Variants in DIXDC1 observed in about 807,000 individuals in gnomAD.
The protein encoded by DIXDC1 is dixin.
DIXDC1 carries 64 observed loss-of-function variants against 103.1 expected under a neutral mutation model. The observed-to-expected ratio is 0.62, with a 90% CI of 0.51 to 0.76. The LOEUF is 0.76. Ranked by LOEUF, DIXDC1 falls within the 30% of genes least tolerant of loss-of-function variation. The pLI is 0.00. For synonymous variants in DIXDC1, 266 were observed against 298.5 expected (o/e 0.89, Z 1.12); for missense variants, 759 against 834.2 (o/e 0.91, Z 1.11).
Position 111,974,915 on chromosome 11 carries a change from G to C in DIXDC1, c.588G>C (p.Trp196Cys), listed in dbSNP as rs1860048666. 1 of 1,613,688 alleles carries C rather than the reference G, an allele frequency of 6.2e-7. No individual in the cohort carries two copies. The change falls in exon 5 of 20, where the codon TGG becomes TGC. Residue 196 changes from tryptophan to cysteine, a missense_variant. Around this residue, in one of 3 missense-constraint regions of DIXDC1, gnomAD observed 657 missense variants for 727.5 expected, o/e 0.90. Transcript: ENST00000440460. ...ATGAGGAAATTGAGAATCCATACTG[G>C]AGTGTGCGGGCCCTAGTGCAGCAGT... ...SMDEEIENPY[W>C]SVRALVQQYE...
chr11:111,933,854 ACTT>A (rs1338632144), upstream of DIXDC1, among the ~76,000 whole-genome samples: 10 of 152,062 alleles, frequency 6.6e-5, no homozygotes, highest in African/African-American at 2.4e-4. Context: ...TGAATTTCAC[ACTT>A]CTTATTTTTA....
intron 7 of DIXDC1, among the ~76,000 whole-genome samples, chr11:111,984,718 T>C (rs1860433311): frequency 6.6e-6 from 1 of 152,204 alleles, no homozygotes. Context: ...GACATCTCTC[T>C]GCAAATGTGT....
chr11:112,010,169 A>C (rs1015216918), intron 17 of DIXDC1, among the ~76,000 whole-genome samples: 5 of 152,220 alleles, frequency 3.3e-5, no homozygotes, highest in African/African-American at 1.2e-4. Flanking sequence ...AATAACAGAC[A>C]AACAGCCAAA....
intron 10 of DIXDC1, among the ~76,000 whole-genome samples, chr11:111,990,431 A>G (rs1860667752): frequency 6.6e-6 from 1 of 152,186 alleles, no homozygotes. Context: ...ATTTGTGTCT[A>G]CATCGCTTTC....
At chr11:111,932,733 CCACT>C (rs1966070743), upstream of DIXDC1, among the ~76,000 whole-genome samples, 3 of 152,204 alleles carry the variant, frequency 2.0e-5, no homozygotes, top group East Asian at 1.9e-4. Context: ...CTTCTTCTGC[CCACT>C]CAGTCTGTCA....
chr11:112,006,293 T>G (rs1036422705), intron 17 of DIXDC1, among the ~76,000 whole-genome samples: 10 of 151,252 alleles, frequency 6.6e-5, no homozygotes, highest in Admixed American at 6.6e-5. Context: ...AAGCTCAAAC[T>G]GGGCGGAGCC....
intron 3 of DIXDC1, 52 bp downstream of exon 3, chr11:111,968,690 G>A: frequency 1.3e-6 from 2 of 1,515,642 alleles, no homozygotes; most frequent in Non-Finnish European, 8.9e-7. Context: ...ACCAGTGAGT[G>A]CTAGCCTCAG....
Position 112,015,694 on chromosome 11 carries a change from C to T in DIXDC1, c.1757-997C>T, listed in dbSNP as rs1006763936. Among the ~76,000 whole-genome samples the T allele has an allele frequency of 1.0e-4, 15 of 149,490 alleles. No homozygotes were observed. In the South Asian group the frequency reaches 1.3e-3, roughly 13 times the overall value. On this transcript the variant is annotated intron_variant, in intron 17 of 19. Transcript: ENST00000440460. ...GCACACACCTGTTATCCCAGCTACT[C>T]GGGAGGCTGAGGCACGAGAATGACT...
chr11:111,974,739 C>T, intron 4 of DIXDC1, 137 bp from the exon 5 acceptor site: 1 of 1,448,360 alleles, frequency 6.9e-7, no homozygotes, highest in Non-Finnish European at 9.2e-7. Flanking sequence ...TGCTAGGTAC[C>T]AAGTGTCTTT....
chr11:112,005,002 C>A (rs1555176443), intron 17 of DIXDC1, among the ~76,000 whole-genome samples: 1 of 152,114 alleles, frequency 6.6e-6, no homozygotes, highest in Admixed American at 6.5e-5. Context: ...AAAAACGAAG[C>A]CACTGTGAAG....
chr11:111,944,717 C>G (rs1966536987), intron 1 of DIXDC1, among the ~76,000 whole-genome samples: 1 of 152,338 alleles, frequency 6.6e-6, no homozygotes, highest in South Asian at 2.1e-4. Flanking sequence ...GGTACTATCA[C>G]TGCTCTCACA....
At chr11:112,018,696 T>A (rs1861670373) in intron 19 of DIXDC1, among the ~76,000 whole-genome samples, 1 of 152,222 alleles carries the variant, frequency 6.6e-6, no homozygotes, top group Non-Finnish European at 1.5e-5. Flanking sequence ...CCCAAAGTAC[T>A]TTGTGATTGG....
At chr11:111,978,155 G>C (rs1439823226) in intron 5 of DIXDC1, among the ~76,000 whole-genome samples, 1 of 152,142 alleles carries the variant, frequency 6.6e-6, no homozygotes, top group African/African-American at 2.4e-5. Flanking sequence ...AGAGCTATTA[G>C]ACCTGTGGGA....
At chr11:111,957,681 T>G (rs1251415974) in intron 1 of DIXDC1, among the ~76,000 whole-genome samples, 3 of 152,144 alleles carry the variant, frequency 2.0e-5, no homozygotes, top group Non-Finnish European at 4.4e-5. Flanking sequence ...ATTGTCAAGG[T>G]CATGAAAGAC....
upstream of DIXDC1, among the ~76,000 whole-genome samples, chr11:111,936,991 G>GTGTGTGTA (rs782679437): frequency 1.5e-4 from 22 of 151,190 alleles, no homozygotes; most frequent in East Asian, 3.9e-4. Flanking sequence ...GTCAACGTGT[G>GTGTGTGTA]TGTGTGTATG....
intron 1 of DIXDC1, among the ~76,000 whole-genome samples, chr11:111,956,673 A>G (rs1859381202): frequency 6.6e-6 from 1 of 152,066 alleles, no homozygotes; most frequent in Non-Finnish European, 1.5e-5. Context: ...TATTTTTAGT[A>G]GAGACGAGGT....
intron 1 of DIXDC1, among the ~76,000 whole-genome samples, chr11:111,948,793 T>G (rs1555169602): frequency 6.6e-6 from 1 of 151,916 alleles, no homozygotes; most frequent in African/African-American, 2.4e-5. Context: ...TTTGAACTCC[T>G]TCAGCTTCCC....
At position 111,993,551 on chromosome 11, in the gene DIXDC1, A is replaced by G. The variant is rs113399640; in HGVS notation, c.1328A>G (p.Glu443Gly). The change falls in exon 13 of 20, where the codon GAA (glutamate) becomes GGA (glycine). Residue 443 changes from glutamate to glycine, a missense_variant. By Grantham distance (98) the Glu-to-Gly change is moderately conservative. This residue lies in a region of DIXDC1 where 657 missense variants were observed against 727.5 expected (regional missense o/e 0.90). Transcript: ENST00000440460. Reference sequence around the variant, plus strand: ...CAGCAGCACCAGGCCAAGTTAGAAGAAGCACTCCGGAAACTCTCTGATGTC... The same window carrying G: ...CAGCAGCACCAGGCCAAGTTAGAAGGAGCACTCCGGAAACTCTCTGATGTC... Reference protein sequence around the residue: ...LLQQHQAKLEEALRKLSDVSY... With the variant: ...LLQQHQAKLEGALRKLSDVSY... 3.4e-5 allele frequency: 55 copies of G among 1,613,990 alleles called. No individual in the cohort carries two copies. In the African/African-American group the frequency reaches 5.9e-4, roughly 17 times the overall value.
chr11:111,995,367 C>T (rs368650261), intron 15 of DIXDC1, 36 bp from the exon 16 acceptor site: 17 of 1,604,840 alleles, frequency 1.1e-5, no homozygotes, highest in Admixed American at 1.7e-5. Context: ...GAAGTGGCAC[C>T]GTGCCATGCC....
Sources: gnomAD v4.1 joint callset for allele counts (sites outside exome capture counted in the v4.1 genomes callset) on GRCh38, gnomAD v4.1.1 for gene constraint, gnomAD v4.1.1 regional missense constraint, MANE v1.5 for transcripts, NCBI Gene and HGNC (gene_info 2026-07-23, HGNC 2026-07-21) for gene names.